The following GSE1 variants were observed in gnomAD, a reference collection of about 807,000 sequenced individuals.
The protein encoded by GSE1 is genetic suppressor element 1.
In GSE1, 32 loss-of-function variants were observed where a neutral mutation model predicts 112.6. The observed-to-expected ratio is 0.28, with a 90% CI of 0.21 to 0.38. GSE1 has a LOEUF of 0.38. Ranked by LOEUF, GSE1 falls within the 10% of genes least tolerant of loss-of-function variation. The probability of loss-of-function intolerance (pLI) is 1.00; values close to 1 mark genes in which losing one functional copy is unlikely to be tolerated. For synonymous variants in GSE1, 1,115 were observed against 735.6 expected, an observed-to-expected ratio of 1.52 and a Z score of -8.35; for missense variants, 2,348 against 1,699.2, an observed-to-expected ratio of 1.38 and a Z score of -6.71.
At chr16:85,480,481 C>G (rs921875570) in intron 2 of GSE1, among the ~76,000 whole-genome samples, 1 of 152,246 alleles carries the variant, frequency 6.6e-6, no homozygotes, top group African/African-American at 2.4e-5. Flanking sequence ...TCTGAGCCCT[C>G]TTGGGCCTCG....
At chr16:85,274,027 C>G (rs1405748729) in intron 1 of GSE1, among the ~76,000 whole-genome samples, 2 of 150,878 alleles carry the variant, frequency 1.3e-5, no homozygotes, top group African/African-American at 4.9e-5. Flanking sequence ...TGAAAAAGTT[C>G]TGGAAGTAGA....
intron 1 of GSE1, among the ~76,000 whole-genome samples, chr16:85,252,873 C>T (rs1906636165): frequency 6.6e-6 from 1 of 152,188 alleles, no homozygotes; most frequent in Admixed American, 6.5e-5. Flanking sequence ...AGTTTGGCTG[C>T]CTGTAATGTG....
chr16:85,348,235 C>G (rs1370458259), intron 1 of GSE1, among the ~76,000 whole-genome samples: 1 of 152,104 alleles, frequency 6.6e-6, no homozygotes, highest in African/African-American at 2.4e-5. Flanking sequence ...ATCCACCTGT[C>G]CATCATCCAT....
chr16:85,476,432 C>CA (rs2050457918), intron 2 of GSE1, among the ~76,000 whole-genome samples: 1 of 152,196 alleles, frequency 6.6e-6, no homozygotes, highest in Non-Finnish European at 1.5e-5. Context: ...ATAAGGCAGG[C>CA]AGCCAGCAAT....
chr16:85,665,627 G>A (rs1346054221), intron 12 of GSE1, among the ~76,000 whole-genome samples: 1 of 152,238 alleles, frequency 6.6e-6, no homozygotes, highest in East Asian at 1.9e-4. Context: ...CCTGTCAGAT[G>A]TCAGAGGGAA....
intron 1 of GSE1, among the ~76,000 whole-genome samples, chr16:85,245,335 C>T (rs1057051187): frequency 1.3e-5 from 2 of 152,222 alleles, no homozygotes; most frequent in African/African-American, 2.4e-5. Context: ...GTCAGAGCAT[C>T]ACCCTCCCGA....
chr16:85,268,869 A>T (rs934062879), intron 1 of GSE1, among the ~76,000 whole-genome samples: 1 of 152,082 alleles, frequency 6.6e-6, no homozygotes, highest in Non-Finnish European at 1.5e-5. Context: ...CTGCTCAGAC[A>T]CAGGCCCTGA....
At chr16:85,631,591 C>G (rs1164890381) in intron 1 of GSE1, among the ~76,000 whole-genome samples, 1 of 152,052 alleles carries the variant, frequency 6.6e-6, no homozygotes, top group Non-Finnish European at 1.5e-5. Flanking sequence ...CCTGCTGGGA[C>G]TGGCATCTGC....
At chr16:85,191,899 C>A (rs1440914692) in intron 1 of GSE1, among the ~76,000 whole-genome samples, 1 of 151,890 alleles carries the variant, frequency 6.6e-6, no homozygotes, top group East Asian at 1.9e-4. Context: ...GGACTTAGGC[C>A]ATTAGCAGGG....
intron 6 of GSE1, 74 bp from the exon 7 acceptor site, chr16:85,656,269 T>C (rs2051921360): frequency 1.3e-5 from 20 of 1,564,152 alleles, no homozygotes; most frequent in Non-Finnish European, 1.7e-5. Context: ...TGGTTATGCT[T>C]TTTAAGGGCC....
At chr16:85,635,394 A>C (rs942136147) in intron 2 of GSE1, among the ~76,000 whole-genome samples, 6 of 152,278 alleles carry the variant, frequency 3.9e-5, no homozygotes, top group East Asian at 3.9e-4. Flanking sequence ...CTCCCTGGCC[A>C]CACCTGAGCG....
chr16:85,429,093 T>C lies in GSE1; in HGVS notation c.2464+71450T>C, dbSNP rs558824214. 4.6e-5 allele frequency among the ~76,000 whole-genome samples: 7 copies of C among 152,298 alleles called. No individual in the cohort carries two copies. The East Asian group carries it at 1.4e-3, about 29-fold the overall frequency. Reference sequence around the variant, plus strand: ...CCTCCGCACGCTGCATCACTCACGGTAAACAGCCGCAGGAGCAGCAGGTGC... The same window carrying C: ...CCTCCGCACGCTGCATCACTCACGGCAAACAGCCGCAGGAGCAGCAGGTGC... On this transcript the variant is annotated intron_variant, in intron 2 of 2. Coordinates refer to the GSE1 transcript ENST00000637419.
chr16:85,644,727 G>C (rs2050713124), intron 2 of GSE1, among the ~76,000 whole-genome samples: 1 of 152,036 alleles, frequency 6.6e-6, no homozygotes, highest in Admixed American at 6.6e-5. Flanking sequence ...GGATTGTGGT[G>C]ATGGTCGCAC....
intron 2 of GSE1, among the ~76,000 whole-genome samples, chr16:85,510,864 G>A (rs1175814723): frequency 1.3e-5 from 2 of 152,150 alleles, no homozygotes; most frequent in East Asian, 3.9e-4. Context: ...TCCCTGAAGC[G>A]CTGTTCCCAG....
chr16:85,639,055 C>G (rs1485808432), intron 2 of GSE1, among the ~76,000 whole-genome samples: 1 of 152,212 alleles, frequency 6.6e-6, no homozygotes, highest in Non-Finnish European at 1.5e-5. Context: ...CTGAGTTGAT[C>G]CTGGGTTGCA....
At chr16:85,627,868 C>T (rs929528173) in intron 1 of GSE1, among the ~76,000 whole-genome samples, 2 of 152,238 alleles carry the variant, frequency 1.3e-5, no homozygotes, top group Non-Finnish European at 2.9e-5. Flanking sequence ...TCCCTCTCCC[C>T]GCCATCCCTG....
chr16:85,514,425 G>GT lies in GSE1; in HGVS notation c.2465-119488dup, dbSNP rs1215751294. On this transcript the variant is annotated intron_variant, in intron 2 of 2. Coordinates refer to the GSE1 transcript ENST00000637419. ...CCCCAGGATGCCCGCATGCTCTCGA[G>GT]TCCCCCCCCCCACCCCAGGGCAGCT... Among the ~76,000 whole-genome samples, 22 of 102,592 alleles carry GT rather than the reference G, an allele frequency of 2.1e-4. 1 individual carries two copies. The highest frequency in any genetic ancestry group is 9.5e-4 in the African/African-American group (21 of 22,118). 67.3% of individuals were successfully genotyped at this position (102,592 alleles called of 152,430 possible).
At chr16:85,639,313 C>T (rs1053476793) in intron 2 of GSE1, among the ~76,000 whole-genome samples, 2 of 152,164 alleles carry the variant, frequency 1.3e-5, no homozygotes, top group Admixed American at 6.5e-5. Context: ...CTCGGAATGG[C>T]GGCCTGGCCA....
intron 1 of GSE1, among the ~76,000 whole-genome samples, chr16:85,288,675 G>A (rs950866005): frequency 7.9e-5 from 12 of 152,240 alleles, no homozygotes; most frequent in Admixed American, 5.9e-4. Flanking sequence ...GGGCTGGGGT[G>A]CATAGAGGAA....
Sources: gnomAD v4.1 joint callset for allele counts (sites outside exome capture counted in the v4.1 genomes callset) on GRCh38, gnomAD v4.1.1 for gene constraint, MANE v1.5 for transcripts, NCBI Gene and HGNC (gene_info 2026-07-23, HGNC 2026-07-21) for gene names.